ULK4: variants seen among roughly 807,000 people sequenced by gnomAD.
The protein encoded by ULK4 is inactive serine/threonine-protein kinase ULK4.
A neutral mutation model predicts 160.6 loss-of-function variants in ULK4; 133 were observed. The observed-to-expected ratio is 0.83, with a 90% CI of 0.72 to 0.96. The LOEUF (loss-of-function observed/expected upper bound fraction) is 0.96, where lower values mean the gene tolerates loss of function less well. ULK4 is among the 40% of genes least tolerant of loss of function. ULK4 has a pLI of 0.00. For synonymous variants in ULK4, 534 were observed against 539.8 expected, an observed-to-expected ratio of 0.99 and a Z score of 0.15; for missense variants, 1,580 against 1,499.5, an observed-to-expected ratio of 1.05 and a Z score of -0.89.
chr3:41,524,519 T>C (rs1041878125), intron 32 of ULK4, among the ~76,000 whole-genome samples: 5 of 152,224 alleles, frequency 3.3e-5, no homozygotes, highest in South Asian at 4.1e-4. Flanking sequence ...TAAAACTGGC[T>C]GTCCTTGTTT....
chr3:41,750,873 C>G (rs1401939345), intron 22 of ULK4, among the ~76,000 whole-genome samples: 9 of 151,314 alleles, frequency 5.9e-5, no homozygotes, highest in Admixed American at 6.6e-5. Flanking sequence ...GCCTGTAGTC[C>G]CAGCTACTCA....
At chr3:41,804,639 C>T (rs2125610707) in intron 19 of ULK4, among the ~76,000 whole-genome samples, 1 of 151,942 alleles carries the variant, frequency 6.6e-6, no homozygotes, top group Middle Eastern at 3.4e-3. Flanking sequence ...GTCTTTAATC[C>T]ATCTTGAATT....
At chr3:41,632,289 G>A (rs903507547) in intron 30 of ULK4, among the ~76,000 whole-genome samples, 7 of 152,080 alleles carry the variant, frequency 4.6e-5, no homozygotes, top group Non-Finnish European at 8.8e-5. Context: ...CTACAGATAC[G>A]AACCCAATAA....
In ULK4 at chr3:41,897,101, T is replaced by C; in HGVS notation, c.1349-98A>G. 6 of 1,137,500 alleles carry C rather than the reference T, an allele frequency of 5.3e-6. No individual in the cohort carries two copies. The South Asian group carries it at 6.6e-5, about 12-fold the overall frequency. 70.5% of individuals were successfully genotyped at this position (1,137,500 alleles called of 1,614,324 possible). A position where few individuals can be genotyped will look rare whatever the true frequency, so the allele number is the denominator to read the frequency against. On this transcript the variant is annotated intron_variant, in intron 14 of 36. Transcript: ENST00000301831. ...AAACACAGAATTACGACAGCTAAGA[T>C]GAGGACAAACATTACACTGTCAAAA...
intron 27 of ULK4, among the ~76,000 whole-genome samples, chr3:41,694,433 G>A (rs957443628): frequency 3.3e-5 from 5 of 152,142 alleles, no homozygotes; most frequent in African/African-American, 9.7e-5. Flanking sequence ...TGTTGGATGG[G>A]TAGAGGGGAG....
intron 3 of ULK4, 53 bp from the exon 4 acceptor site, chr3:41,935,993 GC>G (rs201450851): frequency 6.6e-7 from 1 of 1,510,072 alleles, no homozygotes; most frequent in Admixed American, 2.3e-5. Flanking sequence ...ATCACAGAGT[GC>G]CCCTGAGAGG....
chr3:41,707,962 A>C (rs1184566321), intron 25 of ULK4, among the ~76,000 whole-genome samples: 1 of 152,160 alleles, frequency 6.6e-6, no homozygotes. Flanking sequence ...CTATAATGAG[A>C]TATCACTTCA....
At chr3:41,275,761 A>C (rs1382535853) in intron 35 of ULK4, among the ~76,000 whole-genome samples, 1 of 152,198 alleles carries the variant, frequency 6.6e-6, no homozygotes, top group Non-Finnish European at 1.5e-5. Context: ...AATCTTTCTA[A>C]CATTTCCAGA....
At position 41,615,675 on chromosome 3, in the gene ULK4, TAC is replaced by T. The variant is rs2032928375; in HGVS notation, c.3112_3113del (p.Val1038AsnfsTer11). On this transcript the variant is annotated frameshift_variant, in exon 31 of 37. Coordinates refer to ENST00000301831, the MANE Select transcript of ULK4 (RefSeq NM_017886.4). LOFTEE classifies it high-confidence loss of function. ...ESKLIPLIFEVTLEHQESILG... is the reference protein window; with the variant it reads ...ESKLIPLIFEXTLEHQESILG... ...TGCACATTTCCGTTCTTACCAGAGT[TAC>T]TTCAAAAATGAGTGGGATCAGTTTG... 5.0e-6 allele frequency: 8 copies of T among 1,613,098 alleles called. No homozygotes were observed. The highest frequency in any genetic ancestry group is 5.9e-6 in the Non-Finnish European group (7 of 1,179,616).
At chr3:41,303,741 T>C (rs180758250) in intron 35 of ULK4, among the ~76,000 whole-genome samples, 112 of 152,136 alleles carry the variant, frequency 7.4e-4, no homozygotes, top group African/African-American at 2.7e-3. Flanking sequence ...AGGGTCACCT[T>C]GGGTAGCATG....
intron 18 of ULK4, among the ~76,000 whole-genome samples, chr3:41,834,644 G>A (rs1027058440): frequency 1.3e-5 from 2 of 152,192 alleles, no homozygotes; most frequent in African/African-American, 4.8e-5. Context: ...TAACAATCAT[G>A]GTAACTGCCT....
At chr3:41,892,497 G>C (rs372024793) in intron 16 of ULK4, among the ~76,000 whole-genome samples, 1 of 152,246 alleles carries the variant, frequency 6.6e-6, no homozygotes, top group Middle Eastern at 3.4e-3. Flanking sequence ...TGCATACAAC[G>C]GAATATTATT....
intron 32 of ULK4, among the ~76,000 whole-genome samples, chr3:41,539,682 T>C (rs960532990): frequency 2.0e-5 from 3 of 152,272 alleles, no homozygotes; most frequent in South Asian, 2.1e-4. Context: ...AATCCACCTA[T>C]AGTATTTCAG....
At chr3:41,331,563 C>T (rs1244012343) in intron 35 of ULK4, among the ~76,000 whole-genome samples, 2 of 152,184 alleles carry the variant, frequency 1.3e-5, no homozygotes, top group African/African-American at 4.8e-5. Flanking sequence ...AGTGTCACAA[C>T]ATCATTTAGG....
At chr3:41,675,521 C>T (rs1182619502) in intron 29 of ULK4, among the ~76,000 whole-genome samples, 1 of 151,748 alleles carries the variant, frequency 6.6e-6, no homozygotes, top group South Asian at 2.1e-4. Context: ...ACCTGGGAGG[C>T]GAAGGTTGCA....
chr3:41,323,939 A>G lies in ULK4; in HGVS notation c.3678+74140T>C, dbSNP rs573370121. ...CCCTGGGTTCATAAACTGAGAAGGCACCGAAGCTTGCACCTGGTTATCTTC... is the reference window on the plus strand; with the variant it reads ...CCCTGGGTTCATAAACTGAGAAGGCGCCGAAGCTTGCACCTGGTTATCTTC... On this transcript the variant is annotated intron_variant, in intron 35 of 36. Coordinates refer to ENST00000301831, the MANE Select transcript of ULK4 (RefSeq NM_017886.4). Among the ~76,000 whole-genome samples the G allele has an allele frequency of 2.6e-5, 4 of 152,330 alleles. No individual in the cohort carries two copies. The South Asian group carries it at 8.3e-4, about 32-fold the overall frequency.
intron 30 of ULK4, among the ~76,000 whole-genome samples, chr3:41,624,759 A>AGAGTTTC (rs1177902645): frequency 6.6e-6 from 1 of 152,118 alleles, no homozygotes; most frequent in Non-Finnish European, 1.5e-5. Context: ...GTCACAAATG[A>AGAGTTTC]GAGTTTCTTG....
intron 21 of ULK4, among the ~76,000 whole-genome samples, chr3:41,789,289 G>T (rs11924162): frequency 6.6e-6 from 1 of 152,066 alleles, no homozygotes; most frequent in Non-Finnish European, 1.5e-5. Context: ...AAATAGGTCA[G>T]AGCAAGCAGA....
intron 6 of ULK4, among the ~76,000 whole-genome samples, chr3:41,919,242 G>C (rs1187424145): frequency 1.3e-5 from 2 of 152,072 alleles, no homozygotes; most frequent in Non-Finnish European, 2.9e-5. Context: ...AACTTTCTAG[G>C]AATCTGCATA....
Sources: gnomAD v4.1 joint callset for allele counts (sites outside exome capture counted in the v4.1 genomes callset) on GRCh38, gnomAD v4.1.1 for gene constraint, MANE v1.5 for transcripts, NCBI Gene and HGNC (gene_info 2026-07-23, HGNC 2026-07-21) for gene names.